Variants in LSAMP observed in about 807,000 individuals in gnomAD.
The protein encoded by LSAMP is limbic system associated membrane protein.
Under a neutral mutation model 38.6 loss-of-function variants are expected in LSAMP, and 7 were observed. The observed-to-expected ratio is 0.18, with a 90% CI of 0.10 to 0.34. The LOEUF is 0.34. Ranked by LOEUF, LSAMP falls within the 10% of genes least tolerant of loss-of-function variation. The pLI is 1.00. For synonymous variants in LSAMP, 154 were observed against 166.8 expected (o/e 0.92, Z 0.59); for missense variants, 313 against 420.0 (o/e 0.75, Z 2.23).
intron 3 of LSAMP, among the ~76,000 whole-genome samples, chr3:115,852,911 G>A (rs1935378532): frequency 6.6e-6 from 1 of 152,190 alleles, no homozygotes; most frequent in Non-Finnish European, 1.5e-5. Context: ...GAGCAACTGT[G>A]GCTCAGTCTT....
At chr3:116,054,039 C>T (rs1044954283) in intron 2 of LSAMP, among the ~76,000 whole-genome samples, 1 of 152,124 alleles carries the variant, frequency 6.6e-6, no homozygotes, top group Non-Finnish European at 1.5e-5. Context: ...CAAAATGGGC[C>T]TCACTGGGCT....
chr3:115,981,390 C>T (rs7626352), intron 3 of LSAMP, among the ~76,000 whole-genome samples: 2,764 of 147,534 alleles, frequency 0.019, 87 homozygotes, highest in African/African-American at 0.063. Flanking sequence ...TTTTGAGCTT[C>T]TGTTTTTTTC....
chr3:116,317,858 G>A (rs923909493), intron 1 of LSAMP, among the ~76,000 whole-genome samples: 4 of 151,646 alleles, frequency 2.6e-5, no homozygotes, highest in Non-Finnish European at 2.9e-5. Flanking sequence ...TAATAAGGCC[G>A]GGCGCGGTGG....
intron 3 of LSAMP, among the ~76,000 whole-genome samples, chr3:115,854,129 G>T (rs1488866203): frequency 1.3e-5 from 2 of 151,302 alleles, no homozygotes; most frequent in African/African-American, 4.9e-5. Context: ...GTACAATCTT[G>T]ATTAAAAAAA....
chr3:116,219,839 AT>A (rs2046260887), intron 1 of LSAMP, among the ~76,000 whole-genome samples: 1 of 152,178 alleles, frequency 6.6e-6, no homozygotes. Flanking sequence ...GGACATAAAA[AT>A]GACATATATA....
chr3:116,253,452 T>C (rs2046711299), intron 1 of LSAMP, among the ~76,000 whole-genome samples: 1 of 152,244 alleles, frequency 6.6e-6, no homozygotes, highest in African/African-American at 2.4e-5. Context: ...AGCATGTTTT[T>C]ATTACTCTTA....
intron 3 of LSAMP, among the ~76,000 whole-genome samples, chr3:115,878,818 A>G (rs1196396121): frequency 6.6e-6 from 1 of 152,102 alleles, no homozygotes; most frequent in Admixed American, 6.5e-5. Context: ...ATGGTGGCCC[A>G]TGTCACCAAT....
At chr3:116,331,757 A>G (rs2047856482) in intron 1 of LSAMP, among the ~76,000 whole-genome samples, 1 of 152,206 alleles carries the variant, frequency 6.6e-6, no homozygotes, top group South Asian at 2.1e-4. Context: ...ATATCTGGGA[A>G]ATTATATAAG....
rs1260394227 is a variant in LSAMP, at chr3:115,806,343, T to C, written c.*3974A>G. ...ATAAAAAATACACACACATATATAT[T>C]ATTGTTTTCCACAAATAATTCGAGC... On this transcript the variant is annotated 3_prime_UTR_variant, in exon 7 of 7. Transcript: ENST00000490035. The C allele has an allele frequency of 1.3e-5, 2 of 152,200 alleles. No individual in the cohort carries two copies. Among genetic ancestry groups the C allele is most frequent in the African/African-American group, 4.8e-5 (2 of 41,446 alleles). 9.4% of individuals were successfully genotyped at this position (152,200 alleles called of 1,614,324 possible).
intron 1 of LSAMP, among the ~76,000 whole-genome samples, chr3:116,145,738 T>C (rs1163575817): frequency 1.3e-5 from 2 of 151,898 alleles, no homozygotes; most frequent in East Asian, 1.9e-4. Flanking sequence ...ATAGGAATAT[T>C]ACTCATTGAA....
intron 1 of LSAMP, among the ~76,000 whole-genome samples, chr3:116,096,814 GCAA>G (rs1274947007): frequency 6.6e-6 from 1 of 152,192 alleles, no homozygotes; most frequent in Non-Finnish European, 1.5e-5. Flanking sequence ...CTCTCAGGTT[GCAA>G]CAACAAGGCC....
At chr3:115,833,526 G>A (rs1934687977) in intron 6 of LSAMP, among the ~76,000 whole-genome samples, 1 of 152,100 alleles carries the variant, frequency 6.6e-6, no homozygotes, top group Non-Finnish European at 1.5e-5. Context: ...ATTTGCATAT[G>A]TGAATGCATA....
At chr3:115,857,460 G>A (rs557880969) in intron 3 of LSAMP, among the ~76,000 whole-genome samples, 18 of 152,302 alleles carry the variant, frequency 1.2e-4, no homozygotes, top group Admixed American at 5.2e-4. Flanking sequence ...TCTGGTAGAC[G>A]AGTTCTATGG....
At chr3:116,443,094 C>A in intron 1 of LSAMP, among the ~76,000 whole-genome samples, 1 of 152,160 alleles carries the variant, frequency 6.6e-6, no homozygotes, top group East Asian at 1.9e-4. Flanking sequence ...CATATTCAAT[C>A]TTGTAACCAG....
intron 3 of LSAMP, among the ~76,000 whole-genome samples, chr3:115,907,029 T>G (rs1205071456): frequency 3.9e-5 from 6 of 152,148 alleles, no homozygotes; most frequent in African/African-American, 1.4e-4. Flanking sequence ...CAAACTCCCT[T>G]TCTTTTAAAA....
intron 1 of LSAMP, among the ~76,000 whole-genome samples, chr3:116,393,421 CT>C (rs1194859077): frequency 7.2e-5 from 11 of 152,332 alleles, no homozygotes; most frequent in African/African-American, 2.6e-4. Flanking sequence ...GCTGCCCTCC[CT>C]GAAGCAATAG....
intron 2 of LSAMP, among the ~76,000 whole-genome samples, chr3:116,033,407 T>A (rs996718525): frequency 3.9e-5 from 6 of 152,128 alleles, no homozygotes; most frequent in Admixed American, 6.5e-5. Context: ...CTGGGCATGT[T>A]ATGGAGAAAA....
chr3:116,052,146 C>G (rs747455925), intron 2 of LSAMP, among the ~76,000 whole-genome samples: 10 of 152,144 alleles, frequency 6.6e-5, no homozygotes, highest in Non-Finnish European at 1.0e-4. Flanking sequence ...GAATGCTTCA[C>G]AAGGATGCTG....
intron 1 of LSAMP, among the ~76,000 whole-genome samples, chr3:116,391,960 G>T (rs1189953144): frequency 2.6e-5 from 4 of 152,180 alleles, no homozygotes; most frequent in Non-Finnish European, 5.9e-5. Context: ...AAATGGCCAG[G>T]CCCAGGGCTT....
Sources: gnomAD v4.1 joint callset for allele counts (sites outside exome capture counted in the v4.1 genomes callset) on GRCh38, gnomAD v4.1.1 for gene constraint, MANE v1.5 for transcripts, NCBI Gene and HGNC (gene_info 2026-07-23, HGNC 2026-07-21) for gene names.